Variants in SLC35F3 observed in about 807,000 individuals in gnomAD.
SLC35F3 encodes solute carrier family 35 member F3.
Under a neutral mutation model 49.9 loss-of-function variants are expected in SLC35F3, and 25 were observed. That is an observed-to-expected ratio of 0.50 (90% CI 0.37 to 0.70). The LOEUF is 0.70. SLC35F3 is among the 30% of genes least tolerant of loss of function. SLC35F3 has a pLI of 0.00. For missense variants in SLC35F3, 525 were observed against 639.8 expected, an observed-to-expected ratio of 0.82 and a Z score of 1.94; for synonymous variants, 275 against 265.4, an observed-to-expected ratio of 1.04 and a Z score of -0.35.
intron 3 of SLC35F3, among the ~76,000 whole-genome samples, chr1:234,262,877 A>G (rs933139575): frequency 2.6e-5 from 4 of 152,232 alleles, no homozygotes; most frequent in African/African-American, 7.2e-5. Flanking sequence ...ATTCTAACAC[A>G]GAGCTGAGTC....
At chr1:233,953,485 G>A (rs1222914731) in intron 2 of SLC35F3, among the ~76,000 whole-genome samples, 1 of 152,190 alleles carries the variant, frequency 6.6e-6, no homozygotes, top group East Asian at 1.9e-4. Context: ...GAGAGACCGG[G>A]AGACACTTTG....
At chr1:233,989,789 T>C (rs1355687186) in intron 2 of SLC35F3, among the ~76,000 whole-genome samples, 1 of 152,178 alleles carries the variant, frequency 6.6e-6, no homozygotes, top group Admixed American at 6.5e-5. Context: ...CATATATAAA[T>C]ATCTGACCTT....
chr1:234,289,096 T>C (rs555979096), intron 3 of SLC35F3, among the ~76,000 whole-genome samples: 1 of 152,244 alleles, frequency 6.6e-6, no homozygotes, highest in South Asian at 2.1e-4. Flanking sequence ...CCCAGAGCCT[T>C]GAAAAGTGAA....
At chr1:234,287,577 C>T (rs1421196888) in intron 3 of SLC35F3, among the ~76,000 whole-genome samples, 1 of 152,200 alleles carries the variant, frequency 6.6e-6, no homozygotes, top group African/African-American at 2.4e-5. Context: ...CAAAGCAGTT[C>T]ATTTCATTCA....
At position 234,309,159 on chromosome 1, in the gene SLC35F3, G is replaced by GC; in HGVS notation, c.668dup (p.Ala224SerfsTer71). The GC allele has an allele frequency of 6.2e-7, 1 of 1,614,124 alleles. No homozygotes were observed. Among genetic ancestry groups the GC allele is most frequent in the Non-Finnish European group, 8.5e-7 (1 of 1,180,034 alleles). On this transcript the variant is annotated frameshift_variant, in exon 4 of 8. Transcript: ENST00000366618. LOFTEE classifies it high-confidence loss of function. ...GACTTTGAAGGTGTTTTTTACCAAG[G>GC]CAGCACCCTTTGGTGTTCTTTGGAC...
intron 2 of SLC35F3, among the ~76,000 whole-genome samples, chr1:234,098,991 T>C (rs956792233): frequency 4.6e-5 from 7 of 152,108 alleles, no homozygotes; most frequent in African/African-American, 1.7e-4. Context: ...TTGCTGGTGG[T>C]GATAGCAGTG....
In SLC35F3 at chr1:234,301,703, G is replaced by A. The variant is rs182485215; in HGVS notation, c.609-7398G>A. On this transcript the variant is annotated intron_variant, in intron 3 of 7. Coordinates refer to ENST00000366618, the MANE Select transcript of SLC35F3 (RefSeq NM_173508.4). ...CCCATTACTGAGTATATACACAAAG[G>A]AATCTAAATAATTCTACTATAAAAA... Among the ~76,000 whole-genome samples, 8 of 152,248 alleles carry A rather than the reference G, an allele frequency of 5.3e-5. No homozygotes were observed. The East Asian group carries it at 1.4e-3, about 26-fold the overall frequency.
chr1:234,035,270 T>A (rs1396445907), intron 2 of SLC35F3, among the ~76,000 whole-genome samples: 1 of 152,216 alleles, frequency 6.6e-6, no homozygotes, highest in Admixed American at 6.5e-5. Flanking sequence ...ATAATTTGGC[T>A]AGAGTTGAAA....
intron 3 of SLC35F3, among the ~76,000 whole-genome samples, chr1:234,293,763 A>G (rs1668547014): frequency 6.6e-6 from 1 of 152,232 alleles, no homozygotes; most frequent in Non-Finnish European, 1.5e-5. Flanking sequence ...AATAGAAATC[A>G]GTGTTATCCA....
intron 3 of SLC35F3, among the ~76,000 whole-genome samples, chr1:234,307,136 C>G (rs1346536698): frequency 6.6e-6 from 1 of 152,152 alleles, no homozygotes; most frequent in Non-Finnish European, 1.5e-5. Flanking sequence ...TGGGAAAACC[C>G]CATAGAAAAT....
intron 4 of SLC35F3, among the ~76,000 whole-genome samples, chr1:234,309,687 C>T (rs1381000326): frequency 6.6e-6 from 1 of 152,242 alleles, no homozygotes; most frequent in East Asian, 1.9e-4. Context: ...GTGGCATGAC[C>T]GTGCCCTGCA....
At chr1:234,270,073 C>G (rs1417037619) in intron 3 of SLC35F3, among the ~76,000 whole-genome samples, 1 of 152,146 alleles carries the variant, frequency 6.6e-6, no homozygotes, top group African/African-American at 2.4e-5. Context: ...TCATTAAAGC[C>G]CACAAACCCA....
At chr1:234,167,646 G>A (rs1223023630) in intron 2 of SLC35F3, among the ~76,000 whole-genome samples, 1 of 152,070 alleles carries the variant, frequency 6.6e-6, no homozygotes, top group Non-Finnish European at 1.5e-5. Flanking sequence ...ACCACTTTTT[G>A]AAGCAGATAG....
intron 3 of SLC35F3, among the ~76,000 whole-genome samples, chr1:234,281,934 G>T (rs1414690351): frequency 6.6e-6 from 1 of 152,158 alleles, no homozygotes; most frequent in African/African-American, 2.4e-5. Flanking sequence ...CTTGGCCAGG[G>T]AGCAAGGAGC....
chr1:233,990,207 G>A (rs912206505), intron 2 of SLC35F3, among the ~76,000 whole-genome samples: 2 of 152,014 alleles, frequency 1.3e-5, no homozygotes, highest in African/African-American at 2.4e-5. Flanking sequence ...GGACATAATA[G>A]TATTTATTCA....
chr1:233,998,484 G>T (rs1173962983), intron 2 of SLC35F3, among the ~76,000 whole-genome samples: 1 of 151,582 alleles, frequency 6.6e-6, no homozygotes, highest in African/African-American at 2.4e-5. Flanking sequence ...GAACAGGGCT[G>T]GAATGTGGAG....
At chr1:233,978,604 A>C (rs1479941221) in intron 2 of SLC35F3, among the ~76,000 whole-genome samples, 1 of 152,170 alleles carries the variant, frequency 6.6e-6, no homozygotes, top group Non-Finnish European at 1.5e-5. Flanking sequence ...AAGAAAGTGT[A>C]CCCTTGTGTG....
At chr1:233,918,219 T>C (rs775457306) in intron 2 of SLC35F3, among the ~76,000 whole-genome samples, 15 of 152,228 alleles carry the variant, frequency 9.9e-5, no homozygotes, top group Non-Finnish European at 1.8e-4. Flanking sequence ...CCCAGGGCCA[T>C]GCCCTGGATT....
intron 2 of SLC35F3, among the ~76,000 whole-genome samples, chr1:233,952,168 C>A (rs1435109957): frequency 1.3e-5 from 2 of 151,882 alleles, no homozygotes; most frequent in African/African-American, 4.8e-5. Context: ...CTTTCATGAA[C>A]TTGAAGATAT....
Sources: allele counts gnomAD v4.1 joint callset (sites outside exome capture counted in the v4.1 genomes callset), GRCh38; gene constraint gnomAD v4.1.1; transcripts MANE v1.5; gene names NCBI Gene and HGNC (gene_info 2026-07-23, HGNC 2026-07-21).